The following RGSL1 variants were observed in gnomAD, a reference collection of about 807,000 sequenced individuals.
RGSL1 encodes the protein regulator of G protein signaling like 1, also known as regulator of G protein signaling protein-like.
In RGSL1, 97 loss-of-function variants were observed where a neutral mutation model predicts 124.7. That is an observed-to-expected ratio of 0.78 (90% CI 0.66 to 0.92). The LOEUF (loss-of-function observed/expected upper bound fraction) is 0.92. Ranked by LOEUF, RGSL1 falls within the 40% of genes least tolerant of loss-of-function variation. RGSL1 has a pLI of 0.00. For synonymous variants in RGSL1, 424 were observed against 438.1 expected (o/e 0.97, Z 0.40); for missense variants, 1,233 against 1,288.4 (o/e 0.96, Z 0.66).
intron 9 of RGSL1, among the ~76,000 whole-genome samples, chr1:182,506,677 T>G (rs1322505384): frequency 6.6e-6 from 1 of 152,186 alleles, no homozygotes; most frequent in Non-Finnish European, 1.5e-5. Context: ...TGCCTTTTAG[T>G]AAGCATATTT....
intron 20 of RGSL1, 53 bp downstream of exon 20, chr1:182,554,746 C>A (rs1660765017): frequency 6.6e-7 from 1 of 1,504,488 alleles, no homozygotes; most frequent in African/African-American, 1.4e-5. Context: ...TATGTCCAAG[C>A]ATGCAATAGG....
chr1:182,451,555 C>A lies in RGSL1; in HGVS notation c.13+1377C>A, dbSNP rs144803117. On this transcript the variant is annotated intron_variant, in intron 1 of 21. Coordinates refer to ENST00000294854, the MANE Select transcript of RGSL1 (RefSeq NM_001137669.2). ...GGAGGTTTCAAGTGAGAGTACCTAG[C>A]ACATGCAGGAAACAGCAATGCCTTG... Among the ~76,000 whole-genome samples, 370 of 127,580 alleles carry A rather than the reference C, an allele frequency of 2.9e-3. 1 individual carries two copies. Among genetic ancestry groups the A allele is most frequent in the African/African-American group, 9.3e-3 (360 of 38,782 alleles). 83.7% of individuals were successfully genotyped at this position (127,580 alleles called of 152,430 possible). A position where few individuals can be genotyped will look rare whatever the true frequency, so the allele number is the denominator to read the frequency against.
chr1:182,534,558 T>C (rs1177233926), intron 14 of RGSL1, among the ~76,000 whole-genome samples: 1 of 152,228 alleles, frequency 6.6e-6, no homozygotes, highest in Non-Finnish European at 1.5e-5. Context: ...CTGGGCACGG[T>C]GGCTTACGCC....
chr1:182,507,804 G>A (rs1656936732), intron 9 of RGSL1, among the ~76,000 whole-genome samples: 1 of 151,982 alleles, frequency 6.6e-6, no homozygotes, highest in Non-Finnish European at 1.5e-5. Flanking sequence ...TTGGACTCAA[G>A]CAATCCTTCC....
intron 9 of RGSL1, among the ~76,000 whole-genome samples, chr1:182,510,866 C>T (rs528168955): frequency 6.6e-6 from 1 of 152,276 alleles, no homozygotes; most frequent in African/African-American, 2.4e-5. Context: ...AATATTTTCT[C>T]CCAGTCTATG....
At chr1:182,509,813 G>C (rs1451488397) in intron 9 of RGSL1, among the ~76,000 whole-genome samples, 53 of 131,124 alleles carry the variant, frequency 4.0e-4, no homozygotes, top group African/African-American at 1.5e-3. Flanking sequence ...CCGGGCGGGG[G>C]GCTGACCCCC....
intron 4 of RGSL1, among the ~76,000 whole-genome samples, chr1:182,462,027 A>C (rs991986676): frequency 1.3e-5 from 2 of 151,598 alleles, no homozygotes; most frequent in Non-Finnish European, 2.9e-5. Flanking sequence ...AATGAACTCC[A>C]AGTAAGATGA....
At chr1:182,455,350 G>A (rs11586532) in intron 2 of RGSL1, among the ~76,000 whole-genome samples, 53,581 of 152,076 alleles carry the variant, frequency 0.35, 10,341 homozygotes, top group Middle Eastern at 0.5. Flanking sequence ...GGGAGGCCAA[G>A]GTGGGGGGAT....
chr1:182,537,554 C>A (rs1418642076), intron 14 of RGSL1, among the ~76,000 whole-genome samples: 1 of 152,146 alleles, frequency 6.6e-6, no homozygotes, highest in Non-Finnish European at 1.5e-5. Context: ...TATGCCTGAA[C>A]TTTGTTCTGG....
At chr1:182,487,356 T>A (rs542211369) in intron 6 of RGSL1, among the ~76,000 whole-genome samples, 41 of 152,314 alleles carry the variant, frequency 2.7e-4, no homozygotes, top group African/African-American at 9.4e-4. Flanking sequence ...TTCCAATGCA[T>A]CCCTGCTTCC....
Position 182,457,211 on chromosome 1 carries a change from G to A in RGSL1, c.97-1108G>A, listed in dbSNP as rs373527813. On this transcript the variant is annotated intron_variant, in intron 2 of 21. Transcript: ENST00000294854. ...TAAGATCACACAGTGAATCTAGGGC[G>A]GTTCTAGGAGCTGACCAGGTCTGCT... Among the ~76,000 whole-genome samples the A allele has an allele frequency of 2.0e-4, 31 of 152,214 alleles. No homozygotes were observed. In the South Asian group the frequency reaches 4.6e-3, roughly 22 times the overall value.
chr1:182,560,528 G>T lies in RGSL1; in HGVS notation c.*415G>T, dbSNP rs1386076965. The T allele has an allele frequency of 1.3e-5, 2 of 152,208 alleles. No homozygotes were observed. The highest frequency in any genetic ancestry group is 2.9e-5 in the Non-Finnish European group (2 of 68,070). 9.4% of individuals were successfully genotyped at this position (152,208 alleles called of 1,614,324 possible). On this transcript the variant is annotated 3_prime_UTR_variant, in exon 22 of 22. Coordinates refer to ENST00000294854, the MANE Select transcript of RGSL1 (RefSeq NM_001137669.2). Reference sequence around the variant, plus strand: ...GCCCGTATGTGCAGGACCTCAGGGTGCCAGCCCTCACCCATACACCTCCAG... The same window carrying T: ...GCCCGTATGTGCAGGACCTCAGGGTTCCAGCCCTCACCCATACACCTCCAG...
chr1:182,466,530 G>A (rs1484998325), intron 4 of RGSL1, among the ~76,000 whole-genome samples: 3 of 152,004 alleles, frequency 2.0e-5, no homozygotes, highest in Non-Finnish European at 2.9e-5. Flanking sequence ...ACTTCCATAC[G>A]CTTACAATGA....
intron 9 of RGSL1, among the ~76,000 whole-genome samples, chr1:182,514,388 G>A (rs780672852): frequency 2.6e-5 from 4 of 152,038 alleles, no homozygotes; most frequent in African/African-American, 4.8e-5. Flanking sequence ...GATAAAGTTC[G>A]CCCCCTTCCC....
chr1:182,506,163 AT>A (rs1364495540), intron 9 of RGSL1, among the ~76,000 whole-genome samples: 2 of 152,100 alleles, frequency 1.3e-5, no homozygotes, highest in Non-Finnish European at 2.9e-5. Flanking sequence ...TATTTTAGGA[AT>A]TTGGCAATTT....
chr1:182,506,427 AT>A (rs1210371936), intron 9 of RGSL1, among the ~76,000 whole-genome samples: 2 of 152,170 alleles, frequency 1.3e-5, no homozygotes, highest in East Asian at 3.9e-4. Context: ...TTTTTGCTTT[AT>A]TTGAGTCTAC....
chr1:182,470,736 A>C (rs1476252232), intron 4 of RGSL1, among the ~76,000 whole-genome samples: 1 of 152,180 alleles, frequency 6.6e-6, no homozygotes, highest in East Asian at 1.9e-4. Context: ...ATGTATTTCA[A>C]GCACCTATAT....
At chr1:182,514,330 T>G (rs959171061) in intron 9 of RGSL1, among the ~76,000 whole-genome samples, 1 of 152,168 alleles carries the variant, frequency 6.6e-6, no homozygotes, top group Admixed American at 6.5e-5. Flanking sequence ...ATCTCGTCAG[T>G]GGGATCCCAT....
intron 1 of RGSL1, 59 bp from the exon 2 acceptor site, chr1:182,453,899 T>C: frequency 3.3e-6 from 3 of 915,338 alleles, no homozygotes; most frequent in South Asian, 2.9e-5. Flanking sequence ...CTTCATTTTC[T>C]GAACCTGAAT....
Sources: allele counts gnomAD v4.1 joint callset (sites outside exome capture counted in the v4.1 genomes callset), GRCh38; gene constraint gnomAD v4.1.1; transcripts MANE v1.5; gene names NCBI Gene and HGNC (gene_info 2026-07-23, HGNC 2026-07-21).